The following RTN4RL1 variants were observed in gnomAD, a reference collection of about 807,000 sequenced individuals.
The protein encoded by RTN4RL1 is reticulon-4 receptor-like 1.
Under a neutral mutation model 25.6 loss-of-function variants are expected in RTN4RL1, and 7 were observed. That is an observed-to-expected ratio of 0.27 (90% CI 0.16 to 0.51). The LOEUF (loss-of-function observed/expected upper bound fraction) is 0.51, where lower values mean the gene tolerates loss of function less well. Among genes scored for constraint, RTN4RL1 ranks in the 20% least tolerant of loss-of-function variants. RTN4RL1 has a pLI of 0.97. For missense variants in RTN4RL1, 500 were observed against 615.6 expected (o/e 0.81, Z 1.99); for synonymous variants, 297 against 288.2 (o/e 1.03, Z -0.31).
intron 1 of RTN4RL1, among the ~76,000 whole-genome samples, chr17:1,939,331 C>T (rs986569638): frequency 1.5e-4 from 23 of 150,792 alleles, no homozygotes; most frequent in South Asian, 4.2e-4. Flanking sequence ...CCAGCCTGGG[C>T]GACAGAGCGA....
chr17:1,995,173 TGGGAGGCCAA>T (rs942241917), intron 1 of RTN4RL1, among the ~76,000 whole-genome samples: 2 of 152,046 alleles, frequency 1.3e-5, no homozygotes, highest in Non-Finnish European at 2.9e-5. Context: ...CCCAGCACTT[TGGGAGGCCAA>T]GGGAGGCCAA....
chr17:1,970,017 CTCTTTT>C (rs1350840441), intron 1 of RTN4RL1, among the ~76,000 whole-genome samples: 104 of 56,588 alleles, frequency 1.8e-3, no homozygotes, highest in Non-Finnish European at 1.4e-3. Context: ...TGCTCTCTCT[CTCTTTT>C]TTTTTTTTTT....
chr17:1,985,155 A>G (rs1405190545), intron 1 of RTN4RL1, among the ~76,000 whole-genome samples: 1 of 152,182 alleles, frequency 6.6e-6, no homozygotes, highest in Admixed American at 6.5e-5. Flanking sequence ...ACTTCCAGGA[A>G]GGTGTTTGGC....
chr17:1,992,611 C>T (rs2066914327), intron 1 of RTN4RL1, among the ~76,000 whole-genome samples: 2 of 152,148 alleles, frequency 1.3e-5, no homozygotes, highest in South Asian at 2.1e-4. Flanking sequence ...GCCTGTCTCG[C>T]GGGTGGCTGG....
rs567714935 is a variant in RTN4RL1 at position 1,937,382 on chromosome 17, C to T, written c.440G>A (p.Gly147Asp). 4.0e-5 allele frequency: 65 copies of T among 1,613,676 alleles called. No individual in the cohort carries two copies. The highest frequency in any genetic ancestry group is 1.6e-4 in the East Asian group (7 of 44,866). ...GTAGAGGTACTGCAGGCTGTGCAGG[C>T]CGCCAAAGACGCCGGCCGGCAAGGC... ...LSALPAGVFG[G>D]LHSLQYLYLQ... Residue 147 changes from glycine to aspartate, a missense_variant, in exon 2 of 2, where the codon GGC becomes GAC. By Grantham distance (94) the Gly-to-Asp change is moderately conservative. Transcript: ENST00000331238.
intron 1 of RTN4RL1, among the ~76,000 whole-genome samples, chr17:1,974,916 C>A (rs1179035562): frequency 1.3e-5 from 2 of 152,226 alleles, no homozygotes; most frequent in African/African-American, 4.8e-5. Context: ...AGCACCTTTA[C>A]TAGCTGGGAA....
chr17:1,966,675 G>A (rs578084505), intron 1 of RTN4RL1, among the ~76,000 whole-genome samples: 16 of 152,252 alleles, frequency 1.1e-4, no homozygotes, highest in Admixed American at 6.5e-5. Context: ...CATAGCCAAG[G>A]GTCTGATGTT....
At chr17:2,008,822 G>A (rs181787784) in intron 1 of RTN4RL1, among the ~76,000 whole-genome samples, 4 of 152,154 alleles carry the variant, frequency 2.6e-5, no homozygotes, top group South Asian at 2.1e-4. Context: ...GGTGCACCTG[G>A]GAGCAGGTAC....
chr17:1,992,612 G>C (rs7225156), intron 1 of RTN4RL1, among the ~76,000 whole-genome samples: 84,365 of 152,084 alleles, frequency 0.55, 24,198 homozygotes, highest in African/African-American at 0.69. Context: ...CCTGTCTCGC[G>C]GGTGGCTGGG....
chr17:2,015,261 C>T (rs1389911780), intron 1 of RTN4RL1, among the ~76,000 whole-genome samples: 2 of 152,034 alleles, frequency 1.3e-5, no homozygotes, highest in African/African-American at 4.8e-5. Flanking sequence ...AGCAATGGTG[C>T]CAGATGCCAT....
intron 1 of RTN4RL1, among the ~76,000 whole-genome samples, chr17:1,961,025 T>G (rs1294969588): frequency 6.6e-6 from 1 of 152,176 alleles, no homozygotes; most frequent in Non-Finnish European, 1.5e-5. Context: ...GAGAGCACCT[T>G]GCTTAATTAT....
rs529149559 is a variant in RTN4RL1 at position 1,984,163 on chromosome 17, C to T, written c.13+40690G>A. Among the ~76,000 whole-genome samples the T allele has an allele frequency of 2.6e-5, 4 of 152,282 alleles. No homozygotes were observed. In the South Asian group the frequency reaches 6.2e-4, roughly 24 times the overall value. On this transcript the variant is annotated intron_variant, in intron 1 of 1. Coordinates refer to ENST00000331238, the MANE Select transcript of RTN4RL1 (RefSeq NM_178568.4). ...TGAACGGGGGCTCCTTTCGAGAAGC[C>T]GATAAAGCCCATGGATATTCTCCCC... is the stretch of plus-strand genomic sequence containing the variant.
intron 1 of RTN4RL1, among the ~76,000 whole-genome samples, chr17:1,954,089 G>T (rs932653798): frequency 4.6e-5 from 7 of 152,190 alleles, no homozygotes; most frequent in Non-Finnish European, 8.8e-5. Flanking sequence ...ACCAATGCTG[G>T]AATTTCCAAA....
At chr17:1,981,354 C>G (rs1430793097) in intron 1 of RTN4RL1, among the ~76,000 whole-genome samples, 1 of 152,184 alleles carries the variant, frequency 6.6e-6, no homozygotes, top group Non-Finnish European at 1.5e-5. Context: ...GCAACTCCAA[C>G]CTGGGTGACA....
intron 1 of RTN4RL1, among the ~76,000 whole-genome samples, chr17:2,014,136 C>G (rs1316916728): frequency 6.6e-6 from 1 of 152,192 alleles, no homozygotes; most frequent in East Asian, 1.9e-4. Flanking sequence ...CACCCAGTGC[C>G]CATGGGGACT....
chr17:1,998,768 G>C lies in RTN4RL1; in HGVS notation c.13+26085C>G, dbSNP rs2066941820. On this transcript the variant is annotated intron_variant, in intron 1 of 1. Coordinates refer to ENST00000331238, the MANE Select transcript of RTN4RL1 (RefSeq NM_178568.4). The surrounding 1 kb of genome is among the most constrained non-coding windows in gnomAD (Gnocchi z 4.9). ...GGGACAGGGGCGGCCTCGCGCGCAC[G>C]GGGACCCCGGGGTGGGGGTGGGGGT... is the stretch of plus-strand genomic sequence containing the variant. Among the ~76,000 whole-genome samples, 1 of 151,528 alleles carries C rather than the reference G, an allele frequency of 6.6e-6. No individual in the cohort carries two copies. Among genetic ancestry groups the C allele is most frequent in the African/African-American group, 2.4e-5 (1 of 41,268 alleles).
intron 1 of RTN4RL1, among the ~76,000 whole-genome samples, chr17:1,991,861 G>A (rs181775602): frequency 2.0e-5 from 3 of 152,322 alleles, no homozygotes; most frequent in Admixed American, 2.0e-4. Context: ...ACAGATACAA[G>A]GGTAGCAGTA....
intron 1 of RTN4RL1, among the ~76,000 whole-genome samples, chr17:1,952,611 G>A (rs1334516874): frequency 1.3e-5 from 2 of 151,126 alleles, no homozygotes; most frequent in Non-Finnish European, 2.9e-5. Context: ...CCAAAGTGCT[G>A]GGATTACAGG....
intron 1 of RTN4RL1, among the ~76,000 whole-genome samples, chr17:1,971,170 C>A (rs1363095861): frequency 6.6e-6 from 1 of 152,160 alleles, no homozygotes; most frequent in Non-Finnish European, 1.5e-5. Context: ...GAGGCAGTTT[C>A]TCCCTTGCTG....
Sources: gnomAD v4.1 joint callset for allele counts (sites outside exome capture counted in the v4.1 genomes callset) on GRCh38, gnomAD v4.1.1 for gene constraint, Gnocchi (gnomAD v3.1) non-coding constraint, MANE v1.5 for transcripts, NCBI Gene and HGNC (gene_info 2026-07-23, HGNC 2026-07-21) for gene names.